CCDC178: variants seen among roughly 807,000 people sequenced by gnomAD.
CCDC178 encodes coiled-coil domain-containing protein 178.
Under a neutral mutation model 117.4 loss-of-function variants are expected in CCDC178, and 126 were observed. The ratio of observed to expected loss-of-function variants is 1.07; its 90% CI spans 0.93 to 1.24. The LOEUF is 1.24. CCDC178 is among the 50% of genes most tolerant of loss of function. The pLI is 0.00. For missense variants in CCDC178, 1,030 were observed against 986.9 expected (o/e 1.04, Z -0.59); for synonymous variants, 283 against 313.4 (o/e 0.90, Z 1.02).
At chr18:33,030,162 C>T (rs1188538790) in intron 21 of CCDC178, among the ~76,000 whole-genome samples, 1 of 151,932 alleles carries the variant, frequency 6.6e-6, no homozygotes, top group African/African-American at 2.4e-5. Context: ...TTGTTTCCTG[C>T]ATATATATTT....
At chr18:33,156,156 T>C (rs1598940902) in intron 20 of CCDC178, among the ~76,000 whole-genome samples, 2 of 148,624 alleles carry the variant, frequency 1.3e-5, no homozygotes, top group South Asian at 2.2e-4. Context: ...TGGCGTGATC[T>C]TGGCTCACTG....
At chr18:33,118,408 T>C (rs2057889053) in intron 20 of CCDC178, among the ~76,000 whole-genome samples, 1 of 152,042 alleles carries the variant, frequency 6.6e-6, no homozygotes, top group Non-Finnish European at 1.5e-5. Context: ...CCACTCACTA[T>C]TATCCCTACT....
At chr18:33,378,011 G>T (rs955355187) in intron 5 of CCDC178, among the ~76,000 whole-genome samples, 2 of 152,226 alleles carry the variant, frequency 1.3e-5, no homozygotes, top group African/African-American at 2.4e-5. Context: ...TAGAAATAGC[G>T]TTGAATATGT....
chr18:33,181,995 A>C (rs1201008158), intron 20 of CCDC178, among the ~76,000 whole-genome samples: 1 of 151,900 alleles, frequency 6.6e-6, no homozygotes, highest in African/African-American at 2.4e-5. Context: ...AAAAATCCCC[A>C]AAATGTGAAG....
chr18:33,202,875 A>G (rs778732475), intron 20 of CCDC178, among the ~76,000 whole-genome samples: 25 of 152,346 alleles, frequency 1.6e-4, no homozygotes, highest in Middle Eastern at 6.8e-3. Context: ...GTATCACATT[A>G]CTAATATAAA....
intron 18 of CCDC178, 108 bp downstream of exon 18, chr18:33,222,998 T>G (rs2059256319): frequency 1.3e-6 from 1 of 771,712 alleles, no homozygotes; most frequent in Admixed American, 2.9e-5. Flanking sequence ...TTTAGTGCAA[T>G]CAATAAGAAA....
rs1161899106 is a variant in CCDC178 at position 32,999,271 on chromosome 18, G to T, written c.2389-24590C>A. Reference sequence around the variant, plus strand: ...ATCTGCTTATTAAAAGGGGAGGAAAGAGGGGGAAGGAATTTGTCTTGTGTT... The same window carrying T: ...ATCTGCTTATTAAAAGGGGAGGAAATAGGGGGAAGGAATTTGTCTTGTGTT... On this transcript the variant is annotated intron_variant, in intron 21 of 22. Transcript: ENST00000383096. Among the ~76,000 whole-genome samples the T allele has an allele frequency of 2.6e-5, 4 of 152,228 alleles. No homozygotes were observed. The East Asian group carries it at 7.8e-4, about 30-fold the overall frequency.
At chr18:32,945,788 G>A (rs548747961) in intron 22 of CCDC178, among the ~76,000 whole-genome samples, 2 of 152,186 alleles carry the variant, frequency 1.3e-5, no homozygotes, top group African/African-American at 4.8e-5. Flanking sequence ...TTCATGCAGA[G>A]ACGACTATAA....
chr18:33,050,792 A>AT (rs1219434592), intron 21 of CCDC178, among the ~76,000 whole-genome samples: 1 of 152,196 alleles, frequency 6.6e-6, no homozygotes, highest in Non-Finnish European at 1.5e-5. Flanking sequence ...CCTAGAATTT[A>AT]TTTTTCTCTA....
At chr18:33,410,585 T>C (rs2063836153) in intron 3 of CCDC178, among the ~76,000 whole-genome samples, 2 of 152,210 alleles carry the variant, frequency 1.3e-5, no homozygotes, top group South Asian at 4.1e-4. Context: ...CATTCTGTCA[T>C]GACCTTATTC....
intron 20 of CCDC178, among the ~76,000 whole-genome samples, chr18:33,100,397 T>G (rs1217864432): frequency 6.6e-6 from 1 of 151,912 alleles, no homozygotes; most frequent in Non-Finnish European, 1.5e-5. Context: ...TTATTGATAA[T>G]AACATGAAAA....
At chr18:33,020,655 G>T (rs1283675050) in intron 21 of CCDC178, among the ~76,000 whole-genome samples, 1 of 152,126 alleles carries the variant, frequency 6.6e-6, no homozygotes, top group African/African-American at 2.4e-5. Context: ...ATCAGGGAGT[G>T]TTTAATCTAA....
At chr18:33,215,058 A>G (rs2059149099) in intron 19 of CCDC178, among the ~76,000 whole-genome samples, 1 of 152,000 alleles carries the variant, frequency 6.6e-6, no homozygotes, top group South Asian at 2.1e-4. Context: ...TCATTCTCTC[A>G]GGACTTACTA....
chr18:32,958,003 T>C (rs914715291), intron 22 of CCDC178: 1 of 301,374 alleles, frequency 3.3e-6, no homozygotes, highest in African/African-American at 2.1e-5. Context: ...TTAGTTATCC[T>C]TTGTCAGCAA....
chr18:33,164,490 A>G (rs1258020289), intron 20 of CCDC178, among the ~76,000 whole-genome samples: 1 of 152,082 alleles, frequency 6.6e-6, no homozygotes, highest in Non-Finnish European at 1.5e-5. Flanking sequence ...TCTACTGATA[A>G]TTACCATTTT....
chr18:33,173,973 G>T lies in CCDC178; in HGVS notation c.2238+37923C>A, dbSNP rs142397840. 5.3e-3 allele frequency among the ~76,000 whole-genome samples: 802 copies of T among 152,238 alleles called. 7 individuals carry two copies. The highest frequency in any genetic ancestry group is 6.2e-3 in the Non-Finnish European group (423 of 68,008). On this transcript the variant is annotated intron_variant, in intron 20 of 22. Transcript: ENST00000383096. ...ATTAAGACACGGAGAAGTTGTGTTA[G>T]GCCATTCTTGCACTGCTATAAAGAA...
intron 20 of CCDC178, among the ~76,000 whole-genome samples, chr18:33,096,197 A>G (rs1013603480): frequency 6.2e-5 from 9 of 144,174 alleles, no homozygotes; most frequent in Non-Finnish European, 1.2e-4. Flanking sequence ...CTTTCAGTTT[A>G]TTTTTCCTTC....
At chr18:33,314,336 CAATGGTGCCT>C (rs1361735405) in intron 11 of CCDC178, among the ~76,000 whole-genome samples, 1 of 148,488 alleles carries the variant, frequency 6.7e-6, no homozygotes, top group African/African-American at 2.5e-5. Flanking sequence ...TCTAAAAATT[CAATGGTGCCT>C]ACATACCGCC....
At chr18:33,123,022 T>A (rs1026027049) in intron 20 of CCDC178, among the ~76,000 whole-genome samples, 1 of 152,122 alleles carries the variant, frequency 6.6e-6, no homozygotes, top group Non-Finnish European at 1.5e-5. Flanking sequence ...TGAATAAGTA[T>A]CACAGTCTCC....
Sources: gnomAD v4.1 joint callset for allele counts (sites outside exome capture counted in the v4.1 genomes callset) on GRCh38, gnomAD v4.1.1 for gene constraint, MANE v1.5 for transcripts, NCBI Gene and HGNC (gene_info 2026-07-23, HGNC 2026-07-21) for gene names.